The following NCKAP5 variants were observed in gnomAD, a reference collection of about 807,000 sequenced individuals.
NCKAP5 encodes the protein nck-associated protein 5.
NCKAP5 carries 92 observed loss-of-function variants against 167.0 expected under a neutral mutation model. That is an observed-to-expected ratio of 0.55 (90% CI 0.47 to 0.66). NCKAP5 has a LOEUF of 0.66. Among genes scored for constraint, NCKAP5 ranks in the 30% least tolerant of loss-of-function variants. The probability of loss-of-function intolerance (pLI) is 0.00; values close to 1 mark genes in which losing one functional copy is unlikely to be tolerated. For synonymous variants in NCKAP5, 891 were observed against 877.4 expected, an observed-to-expected ratio of 1.02 and a Z score of -0.27; for missense variants, 2,378 against 2,315.0, an observed-to-expected ratio of 1.03 and a Z score of -0.56.
chr2:132,690,687 C>T (rs1359542217), intron 19 of NCKAP5, among the ~76,000 whole-genome samples: 2 of 152,198 alleles, frequency 1.3e-5, no homozygotes, highest in African/African-American at 2.4e-5. Context: ...ATAGGAACTA[C>T]ATTTTCCAGG....
At chr2:133,033,110 T>C (rs1395979633) in intron 6 of NCKAP5, among the ~76,000 whole-genome samples, 1 of 152,216 alleles carries the variant, frequency 6.6e-6, no homozygotes, top group African/African-American at 2.4e-5. Context: ...TGGTGGCCAC[T>C]GAGGTGTGCT....
chr2:133,606,626 G>T, the NCKAP5 span, among the ~76,000 whole-genome samples: 12 of 151,534 alleles, frequency 7.9e-5, no homozygotes, highest in African/African-American at 2.2e-4. Flanking sequence ...TGGGCTCATA[G>T]AGCGGGACAG....
intron 3 of NCKAP5, among the ~76,000 whole-genome samples, chr2:133,483,713 T>C (rs754374667): frequency 2.6e-5 from 4 of 152,138 alleles, no homozygotes; most frequent in Non-Finnish European, 5.9e-5. Context: ...GAACTTGCCA[T>C]TTGGAAACCT....
chr2:133,234,910 G>A (rs956188020), intron 4 of NCKAP5, among the ~76,000 whole-genome samples: 5 of 146,180 alleles, frequency 3.4e-5, no homozygotes, highest in African/African-American at 5.0e-5. Context: ...TCCCTCAGTC[G>A]AGACTTATGA....
intron 7 of NCKAP5, among the ~76,000 whole-genome samples, chr2:132,987,265 A>C (rs1414403190): frequency 1.3e-5 from 2 of 152,166 alleles, no homozygotes; most frequent in Non-Finnish European, 2.9e-5. Flanking sequence ...GTAAAGTTCA[A>C]AGTCAAAAAT....
chr2:133,626,824 C>T, the NCKAP5 span, among the ~76,000 whole-genome samples: 1 of 151,816 alleles, frequency 6.6e-6, no homozygotes, highest in South Asian at 2.1e-4. Flanking sequence ...ATACTATTTC[C>T]TCTAATTTTA....
Position 133,439,271 on chromosome 2 carries a change from G to T in NCKAP5, c.69+78187C>A, listed in dbSNP as rs147642760. Among the ~76,000 whole-genome samples, 407 of 152,278 alleles carry T rather than the reference G, an allele frequency of 2.7e-3. 4 individuals carry two copies. The highest frequency in any genetic ancestry group is 9.5e-3 in the African/African-American group (393 of 41,550). ...GGGGAGGATTTGATCCTTTGAAATG[G>T]AAAGGGTGAGCCTAATTGAATTTCC... On this transcript the variant is annotated intron_variant, in intron 3 of 19. Coordinates refer to ENST00000409261, the MANE Select transcript of NCKAP5 (RefSeq NM_207363.3).
chr2:133,017,564 A>G (rs963035180), intron 6 of NCKAP5, among the ~76,000 whole-genome samples: 59 of 152,252 alleles, frequency 3.9e-4, no homozygotes, highest in African/African-American at 1.3e-3. Context: ...AAGGTGCCCG[A>G]TTAGTAATGA....
At chr2:132,979,116 T>C (rs913743198) in intron 7 of NCKAP5, among the ~76,000 whole-genome samples, 3 of 152,200 alleles carry the variant, frequency 2.0e-5, no homozygotes, top group Non-Finnish European at 4.4e-5. Context: ...CCTGTCATCA[T>C]GTCAAGAAAA....
At chr2:133,219,314 C>A (rs2086560268) in intron 4 of NCKAP5, among the ~76,000 whole-genome samples, 1 of 152,194 alleles carries the variant, frequency 6.6e-6, no homozygotes, top group Non-Finnish European at 1.5e-5. Context: ...TGGAAGTTAC[C>A]CTGACTCAGG....
intron 4 of NCKAP5, among the ~76,000 whole-genome samples, chr2:133,298,080 C>T (rs73957014): frequency 0.12 from 18,364 of 152,156 alleles, 1,146 homozygotes; most frequent in African/African-American, 0.15. Context: ...CACTGTCACT[C>T]ACATATTCTT....
At chr2:133,467,287 G>A (rs1236149936) in intron 3 of NCKAP5, among the ~76,000 whole-genome samples, 1 of 151,012 alleles carries the variant, frequency 6.6e-6, no homozygotes, top group African/African-American at 2.4e-5. Flanking sequence ...TTTGTCTTTG[G>A]CTCTGTTTAT....
At chr2:133,180,778 TG>T (rs2084697786) in intron 5 of NCKAP5, among the ~76,000 whole-genome samples, 1 of 152,192 alleles carries the variant, frequency 6.6e-6, no homozygotes, top group South Asian at 2.1e-4. Flanking sequence ...TCCTTGATAT[TG>T]GTTTGGCAAC....
chr2:132,910,035 T>A (rs1694320750), intron 8 of NCKAP5, among the ~76,000 whole-genome samples: 5 of 152,232 alleles, frequency 3.3e-5, no homozygotes, highest in Admixed American at 2.0e-4. Flanking sequence ...GAGGCACGGC[T>A]AGTGAAAACG....
chr2:133,005,946 T>C (rs1158218874), intron 6 of NCKAP5, among the ~76,000 whole-genome samples: 1 of 152,140 alleles, frequency 6.6e-6, no homozygotes, highest in Non-Finnish European at 1.5e-5. Context: ...AAATAAAATA[T>C]GGCCTGGACA....
At chr2:133,200,540 C>A (rs79796709) in intron 5 of NCKAP5, among the ~76,000 whole-genome samples, 1 of 152,036 alleles carries the variant, frequency 6.6e-6, no homozygotes, top group Non-Finnish European at 1.5e-5. Flanking sequence ...GGAAAATCTT[C>A]ATGACTCTGG....
At chr2:133,584,487 A>G in the NCKAP5 span, among the ~76,000 whole-genome samples, 1 of 152,184 alleles carries the variant, frequency 6.6e-6, no homozygotes, top group African/African-American at 2.4e-5. Flanking sequence ...GGGCAGGGCC[A>G]GGTGCAGTGG....
chr2:133,099,164 T>C (rs2081428518), intron 6 of NCKAP5, among the ~76,000 whole-genome samples: 1 of 152,134 alleles, frequency 6.6e-6, no homozygotes, highest in Non-Finnish European at 1.5e-5. Context: ...AAGAGTAATT[T>C]TGCAAATGAA....
At chr2:133,594,666 G>A in the NCKAP5 span, among the ~76,000 whole-genome samples, 1 of 152,136 alleles carries the variant, frequency 6.6e-6, no homozygotes, top group Non-Finnish European at 1.5e-5. Context: ...CAAAAGGGAG[G>A]TCATTCCTCT....
Sources: gnomAD v4.1 joint callset for allele counts (sites outside exome capture counted in the v4.1 genomes callset) on GRCh38, gnomAD v4.1.1 for gene constraint, MANE v1.5 for transcripts, NCBI Gene and HGNC (gene_info 2026-07-23, HGNC 2026-07-21) for gene names.